Variants in SORCS3 observed in about 807,000 individuals in gnomAD.
SORCS3 encodes the protein VPS10 domain-containing receptor SorCS3.
Under a neutral mutation model 146.3 loss-of-function variants are expected in SORCS3, and 57 were observed. That is an observed-to-expected ratio of 0.39 (90% CI 0.31 to 0.49). SORCS3 has a LOEUF of 0.49. SORCS3 is among the 20% of genes least tolerant of loss of function. The pLI is 0.92. For synonymous variants in SORCS3, 653 were observed against 618.5 expected (o/e 1.06, Z -0.83); for missense variants, 1,341 against 1,575.5 (o/e 0.85, Z 2.52).
At chr10:104,847,046 G>A (rs2018214155) in intron 2 of SORCS3, among the ~76,000 whole-genome samples, 1 of 152,158 alleles carries the variant, frequency 6.6e-6, no homozygotes, top group South Asian at 2.1e-4. Context: ...CATGTGGTAG[G>A]GTGGTGCTAT....
intron 1 of SORCS3, among the ~76,000 whole-genome samples, chr10:104,782,800 G>A (rs543483426): frequency 4.8e-4 from 73 of 152,182 alleles, no homozygotes; most frequent in African/African-American, 1.6e-3. Flanking sequence ...GGATAAATTG[G>A]GTTTCAGATA....
intron 2 of SORCS3, among the ~76,000 whole-genome samples, chr10:104,901,473 G>A (rs1416755008): frequency 6.6e-6 from 1 of 152,138 alleles, no homozygotes; most frequent in South Asian, 2.1e-4. Context: ...GGTACTTATT[G>A]AGTTCCTGCA....
intron 5 of SORCS3, among the ~76,000 whole-genome samples, chr10:105,066,403 T>G (rs1409124978): frequency 6.6e-6 from 1 of 151,824 alleles, no homozygotes. Context: ...AGGTTGAGAG[T>G]TGGTTTTGGA....
intron 1 of SORCS3, among the ~76,000 whole-genome samples, chr10:104,783,749 A>C (rs1358538137): frequency 6.6e-6 from 1 of 152,184 alleles, no homozygotes; most frequent in Admixed American, 6.5e-5. Context: ...GAGAGAGAAA[A>C]AAAGGATCTA....
intron 7 of SORCS3, among the ~76,000 whole-genome samples, chr10:105,136,534 G>A (rs1215242085): frequency 6.6e-6 from 1 of 152,176 alleles, no homozygotes; most frequent in African/African-American, 2.4e-5. Flanking sequence ...ATAAACTATA[G>A]AAGAATAATT....
At chr10:104,815,591 T>C (rs1194465580) in intron 1 of SORCS3, among the ~76,000 whole-genome samples, 2 of 152,174 alleles carry the variant, frequency 1.3e-5, no homozygotes, top group African/African-American at 4.8e-5. Flanking sequence ...TATTCTATCT[T>C]GATTGTCACC....
At chr10:104,646,082 G>A (rs538115351) in intron 1 of SORCS3, among the ~76,000 whole-genome samples, 4 of 152,348 alleles carry the variant, frequency 2.6e-5, no homozygotes, top group Middle Eastern at 3.4e-3. Flanking sequence ...GCTGGGAAAT[G>A]CATGGGGACA....
chr10:105,131,145 T>G (rs955006139), intron 7 of SORCS3, among the ~76,000 whole-genome samples: 1 of 152,162 alleles, frequency 6.6e-6, no homozygotes, highest in African/African-American at 2.4e-5. Context: ...TTGAAGGAAT[T>G]ATGGAAGTAG....
At chr10:105,000,868 T>C (rs989281717) in intron 4 of SORCS3, among the ~76,000 whole-genome samples, 1 of 152,210 alleles carries the variant, frequency 6.6e-6, no homozygotes, top group Non-Finnish European at 1.5e-5. Flanking sequence ...GTAGGTATTA[T>C]CACTCACCCA....
At chr10:105,064,179 T>C (rs1420394342) in intron 5 of SORCS3, among the ~76,000 whole-genome samples, 1 of 152,140 alleles carries the variant, frequency 6.6e-6, no homozygotes, top group South Asian at 2.1e-4. Flanking sequence ...CAGGAAGAAA[T>C]CAAATAATCA....
chr10:105,084,522 G>A (rs1195211565), intron 5 of SORCS3, among the ~76,000 whole-genome samples: 2 of 152,130 alleles, frequency 1.3e-5, no homozygotes, highest in Non-Finnish European at 2.9e-5. Flanking sequence ...TTAAGACGAG[G>A]GACCTGATTG....
chr10:104,973,303 C>G (rs961022823), intron 3 of SORCS3, among the ~76,000 whole-genome samples: 59 of 150,562 alleles, frequency 3.9e-4, no homozygotes, highest in South Asian at 3.6e-3. Context: ...TGGTAGAATT[C>G]GGCTGTGAAT....
At chr10:104,971,153 C>T (rs140302706) in intron 3 of SORCS3, among the ~76,000 whole-genome samples, 230 of 152,284 alleles carry the variant, frequency 1.5e-3, no homozygotes, top group Middle Eastern at 6.8e-3. Flanking sequence ...AATATAGGAA[C>T]GTTGATTATG....
At chr10:104,894,924 A>C (rs1414970497) in intron 2 of SORCS3, among the ~76,000 whole-genome samples, 6 of 152,240 alleles carry the variant, frequency 3.9e-5, no homozygotes, top group African/African-American at 1.4e-4. Context: ...ACAGGCACTC[A>C]TGGGAGAGGC....
At chr10:105,048,564 T>C in intron 5 of SORCS3, among the ~76,000 whole-genome samples, 2 of 145,990 alleles carry the variant, frequency 1.4e-5, no homozygotes, top group African/African-American at 5.0e-5. Context: ...AGGGATAGCA[T>C]TAGGAGATAT....
chr10:105,068,680 A>T (rs2055537194), intron 5 of SORCS3, among the ~76,000 whole-genome samples: 1 of 152,182 alleles, frequency 6.6e-6, no homozygotes, highest in Non-Finnish European at 1.5e-5. Context: ...GTGTCACAAA[A>T]ATTTTGTGGC....
intron 3 of SORCS3, among the ~76,000 whole-genome samples, chr10:104,953,415 T>C (rs2019454145): frequency 6.6e-6 from 1 of 152,212 alleles, no homozygotes; most frequent in African/African-American, 2.4e-5. Context: ...CTCAACCTCA[T>C]GTATATATTA....
In SORCS3 at chr10:104,641,678, G is replaced by A. The variant is rs1336344294; in HGVS notation, c.351G>A (p.Arg117=). 20 of 1,528,240 alleles carry A rather than the reference G, an allele frequency of 1.3e-5. No homozygotes were observed. The highest frequency in any genetic ancestry group is 1.7e-5 in the Non-Finnish European group (19 of 1,141,198). 94.7% of individuals were successfully genotyped at this position (1,528,240 alleles called of 1,614,324 possible). Residue 117 remains arginine (R), a synonymous_variant, in exon 1 of 27, where the codon CGG becomes CGA. Coordinates refer to ENST00000369701, the MANE Select transcript of SORCS3 (RefSeq NM_014978.3). This position sits in a 1 kb window ranked among gnomAD's most constrained non-coding sequence, Gnocchi z 6.4. The stretch of plus-strand genomic sequence containing the variant: ...CACCGGCAGGCGAGCGGCGGGGCCG[G>A]GGCATCCCAGCTCCTGCCAAGCTTG... ...GTSPAGERRG[R]GIPAPAKLGG... is the part of the protein sequence containing the mutation.
chr10:104,834,009 C>A (rs1042390622), intron 1 of SORCS3, among the ~76,000 whole-genome samples: 1 of 152,300 alleles, frequency 6.6e-6, no homozygotes, highest in Admixed American at 6.5e-5. Flanking sequence ...TGACTATTCT[C>A]TTTTGTTCAC....
Sources: allele counts gnomAD v4.1 joint callset (sites outside exome capture counted in the v4.1 genomes callset), GRCh38; gene constraint gnomAD v4.1.1; non-coding constraint Gnocchi (gnomAD v3.1); transcripts MANE v1.5; gene names NCBI Gene and HGNC (gene_info 2026-07-23, HGNC 2026-07-21).